SGSM1: variants seen among roughly 807,000 people sequenced by gnomAD.
The protein encoded by SGSM1 is small G protein signaling modulator 1, also known as RUN and TBC1 domain containing 2.
SGSM1 carries 73 observed loss-of-function variants against 133.8 expected under a neutral mutation model. The observed-to-expected ratio is 0.55, with a 90% CI of 0.45 to 0.66. The LOEUF (loss-of-function observed/expected upper bound fraction) is 0.66. SGSM1 is among the 30% of genes least tolerant of loss of function. The pLI is 0.00. For synonymous variants in SGSM1, 563 were observed against 573.0 expected (o/e 0.98, Z 0.25); for missense variants, 1,213 against 1,448.1 (o/e 0.84, Z 2.64).
At chr22:24,830,431 G>A (rs1333590705) in intron 2 of SGSM1, among the ~76,000 whole-genome samples, 1 of 152,204 alleles carries the variant, frequency 6.6e-6, no homozygotes, top group African/African-American at 2.4e-5. Flanking sequence ...ACAGCTGTAA[G>A]TGGACAACCT....
chr22:24,897,205 C>A (rs1037781889), intron 18 of SGSM1, among the ~76,000 whole-genome samples: 2 of 151,812 alleles, frequency 1.3e-5, no homozygotes, highest in African/African-American at 4.8e-5. Flanking sequence ...CATGGTGAAA[C>A]CCCATCTCTA....
Position 24,876,590 on chromosome 22 carries a change from G to C in SGSM1, c.1305G>C (p.Leu435=), listed in dbSNP as rs768541851. The change falls in exon 13 of 25, where the codon CTG becomes CTC. Residue 435 remains leucine, a synonymous_variant. Transcript: ENST00000400358. ...GMQSEFVPQD[L]MDVSVSNLPS... ...TATCCACCACAGTGCCCCAGGATCTGATGGACGTCTCTGTAAGCAACCTCC... is the reference window on the plus strand; with the variant it reads ...TATCCACCACAGTGCCCCAGGATCTCATGGACGTCTCTGTAAGCAACCTCC... 6.2e-7 allele frequency: 1 copy of C among 1,614,000 alleles called. No individual in the cohort carries two copies. The highest frequency in any genetic ancestry group is 1.1e-5 in the South Asian group (1 of 91,078).
At chr22:24,851,703 G>A (rs944790510) in intron 5 of SGSM1, among the ~76,000 whole-genome samples, 1 of 152,182 alleles carries the variant, frequency 6.6e-6, no homozygotes, top group Non-Finnish European at 1.5e-5. Flanking sequence ...CCAAGGGGGC[G>A]TGGTGGCGTT....
chr22:24,872,388 G>A (rs769525690), intron 12 of SGSM1, among the ~76,000 whole-genome samples: 2 of 152,076 alleles, frequency 1.3e-5, no homozygotes, highest in African/African-American at 2.4e-5. Flanking sequence ...GTCTAGCAGG[G>A]TAGCCATGGG....
Position 24,844,893 on chromosome 22 carries a change from C to T in SGSM1, c.64-4C>T. ...CTTCCCCTCCGGTCACCTTTGCCTT[C>T]CAGGTGAAGCAGATCATGGAGGAGG... On this transcript the variant is annotated splice_region_variant and splice_polypyrimidine_tract_variant and intron_variant, in intron 2 of 24. Coordinates refer to ENST00000400358, the MANE Select transcript of SGSM1 (RefSeq NM_001098497.3). 1.9e-6 allele frequency: 3 copies of T among 1,613,590 alleles called. No individual in the cohort carries two copies. The highest frequency in any genetic ancestry group is 1.7e-6 in the Non-Finnish European group (2 of 1,179,800).
chr22:24,877,067 A>G (rs1354255503), intron 13 of SGSM1, among the ~76,000 whole-genome samples: 1 of 152,200 alleles, frequency 6.6e-6, no homozygotes, highest in Non-Finnish European at 1.5e-5. Flanking sequence ...GTTGCCAGTT[A>G]CAATGACAGG....
rs116952663 is a variant in SGSM1, at chr22:24,819,892, C to G, written c.63+13408C>G. Among the ~76,000 whole-genome samples the G allele has an allele frequency of 6.8e-3, 1,039 of 152,308 alleles. 47 individuals are homozygous for G. The East Asian group carries it at 0.097, about 14-fold the overall frequency. ...GAATTTCCTTTTCCGTTTTCTGCAG[C>G]TGCCCAAACCACCTTCCCCTCCACG... is the stretch of plus-strand genomic sequence containing the variant. On this transcript the variant is annotated intron_variant, in intron 2 of 24. Coordinates refer to ENST00000400358, the MANE Select transcript of SGSM1 (RefSeq NM_001098497.3).
At chr22:24,835,772 C>T (rs139211441) in intron 2 of SGSM1, among the ~76,000 whole-genome samples, 321 of 151,038 alleles carry the variant, frequency 2.1e-3, no homozygotes, top group Non-Finnish European at 2.8e-3. Flanking sequence ...GGGAGAGGGG[C>T]TTGGGAGGTC....
chr22:24,914,690 T>C (rs541465927), intron 22 of SGSM1, among the ~76,000 whole-genome samples: 2 of 152,178 alleles, frequency 1.3e-5, no homozygotes, highest in Non-Finnish European at 2.9e-5. Flanking sequence ...TACATAAATA[T>C]TTTAAATGGT....
rs1462588700 is a variant in SGSM1 at position 24,876,149 on chromosome 22, T to TGCCCTGCCTCATCTATTGAGTCAGGC, written c.1292-427_1292-402dup. ...CTTCACTGGGTCTCTGGCACTTGGGTGCCCTGCCTCATCTATTGAGTCAGG... is the reference window on the plus strand; with the variant it reads ...CTTCACTGGGTCTCTGGCACTTGGGTGCCCTGCCTCATCTATTGAGTCAGGCGCCCTGCCTCATCTATTGAGTCAGG... On this transcript the variant is annotated intron_variant, in intron 12 of 24. Coordinates refer to ENST00000400358, the MANE Select transcript of SGSM1 (RefSeq NM_001098497.3). Among the ~76,000 whole-genome samples the TGCCCTGCCTCATCTATTGAGTCAGGC allele has an allele frequency of 2.0e-5, 3 of 152,062 alleles. No homozygotes were observed. The East Asian group carries it at 5.8e-4, about 29-fold the overall frequency.
intron 5 of SGSM1, among the ~76,000 whole-genome samples, chr22:24,854,370 G>A (rs532784263): frequency 7.0e-4 from 107 of 152,198 alleles, no homozygotes; most frequent in Non-Finnish European, 1.3e-3. Context: ...GGGAGATGTG[G>A]TAGAGGCAGA....
At chr22:24,924,164 A>AT in intron 24 of SGSM1, 22 bp from the exon 25 acceptor site, 1 of 1,612,742 alleles carries the variant, frequency 6.2e-7, no homozygotes, top group Non-Finnish European at 8.5e-7. Context: ...GGCTCATGAG[A>AT]TTTTTCTTTC....
At chr22:24,830,154 T>C (rs1929028601) in intron 2 of SGSM1, among the ~76,000 whole-genome samples, 1 of 152,202 alleles carries the variant, frequency 6.6e-6, no homozygotes, top group South Asian at 2.1e-4. Flanking sequence ...TTAACCAGCC[T>C]TTTCAATTTC....
At chr22:24,826,493 T>C (rs1928807837) in intron 2 of SGSM1, among the ~76,000 whole-genome samples, 1 of 152,228 alleles carries the variant, frequency 6.6e-6, no homozygotes, top group African/African-American at 2.4e-5. Flanking sequence ...CTGCTGGTGT[T>C]AGTGTTACTA....
In SGSM1 at chr22:24,898,264, C is replaced by T; in HGVS notation, c.2315C>T (p.Pro772Leu). ...GCCACCACATCTCAGGATGAGGCTC[C>T]CCGGGAGGAGCTGGCCGTGCAGGAC... ...SEATTSQDEA[P>L]REELAVQDSL... Residue 772 changes from proline to leucine, a missense_variant, in exon 19 of 25, where the codon CCC (proline) becomes CTC (leucine). Pro to Leu is a moderately conservative substitution (Grantham distance 98). Transcript: ENST00000400358. 1 of 1,613,844 alleles carries T rather than the reference C, an allele frequency of 6.2e-7. No homozygotes were observed.
intron 2 of SGSM1, among the ~76,000 whole-genome samples, chr22:24,808,323 G>C (rs958166559): frequency 2.0e-5 from 3 of 151,994 alleles, no homozygotes; most frequent in Non-Finnish European, 4.4e-5. Flanking sequence ...CACCACGTTA[G>C]CCAGGATGGT....
chr22:24,871,712 C>G (rs1439209403), intron 12 of SGSM1, among the ~76,000 whole-genome samples: 1 of 152,246 alleles, frequency 6.6e-6, no homozygotes, highest in African/African-American at 2.4e-5. Flanking sequence ...CTAACCACCA[C>G]TCCATGCACA....
chr22:24,909,894 T>C (rs894454493), intron 21 of SGSM1, among the ~76,000 whole-genome samples: 3 of 152,216 alleles, frequency 2.0e-5, no homozygotes, highest in Non-Finnish European at 4.4e-5. Flanking sequence ...CCTGTACATA[T>C]ATGTTCATAA....
intron 15 of SGSM1, among the ~76,000 whole-genome samples, chr22:24,884,485 G>A (rs1413331729): frequency 3.9e-5 from 6 of 152,166 alleles, no homozygotes; most frequent in Admixed American, 2.6e-4. Flanking sequence ...GGATGGGCAC[G>A]GTGGCTCACG....
Sources: allele counts gnomAD v4.1 joint callset (sites outside exome capture counted in the v4.1 genomes callset), GRCh38; gene constraint gnomAD v4.1.1; transcripts MANE v1.5; gene names NCBI Gene and HGNC (gene_info 2026-07-23, HGNC 2026-07-21).